Variants in DPP8 observed in about 807,000 individuals in gnomAD.
DPP8 encodes the protein dipeptidyl peptidase 8, also known as DPP VIII.
Under a neutral mutation model 107.5 loss-of-function variants are expected in DPP8, and 31 were observed. The ratio of observed to expected loss-of-function variants is 0.29; its 90% CI spans 0.22 to 0.39. DPP8 has a LOEUF of 0.39. DPP8 is among the 10% of genes least tolerant of loss of function. The probability of loss-of-function intolerance (pLI) is 1.00; values close to 1 mark genes in which losing one functional copy is unlikely to be tolerated. For synonymous variants in DPP8, 381 were observed against 356.6 expected, an observed-to-expected ratio of 1.07 and a Z score of -0.77; for missense variants, 842 against 1,076.1, an observed-to-expected ratio of 0.78 and a Z score of 3.04.
chr15:65,478,679 T>C lies in DPP8; in HGVS notation c.1456+201A>G, dbSNP rs78595169. Among the ~76,000 whole-genome samples the C allele has an allele frequency of 1.3e-3, 194 of 152,366 alleles. 1 individual carries two copies. The highest frequency in any genetic ancestry group is 4.4e-3 in the African/African-American group (185 of 41,592). ...AAGAGATTATTCACTATTAATACTTTATAATACGTGTCAATCCATTAAGAA... is the reference window on the plus strand; with the variant it reads ...AAGAGATTATTCACTATTAATACTTCATAATACGTGTCAATCCATTAAGAA... On this transcript the variant is annotated intron_variant, in intron 11 of 19. Coordinates refer to ENST00000300141, the MANE Select transcript of DPP8 (RefSeq NM_130434.5).
intron 19 of DPP8, among the ~76,000 whole-genome samples, chr15:65,448,686 A>ATAT (rs1473140344): frequency 1.5e-5 from 2 of 136,508 alleles, no homozygotes; most frequent in Non-Finnish European, 3.1e-5. Context: ...AAAAAAAAAA[A>ATAT]AAAAATATAT....
At chr15:65,448,469 G>A (rs962473618) in intron 19 of DPP8, among the ~76,000 whole-genome samples, 2 of 151,074 alleles carry the variant, frequency 1.3e-5, no homozygotes, top group East Asian at 2.0e-4. Flanking sequence ...TCAGAAGATC[G>A]AGACCATCCT....
intron 2 of DPP8, among the ~76,000 whole-genome samples, chr15:65,507,656 T>TAAAA (rs746039694): frequency 1.9e-5 from 2 of 105,202 alleles, no homozygotes; most frequent in African/African-American, 3.6e-5. Context: ...GATCCCAACT[T>TAAAA]AAAAAAAAAA....
rs142781972 is a variant in DPP8 at position 65,511,118 on chromosome 15, TAC to T, written c.259+1175_259+1176del. 3.1e-3 allele frequency among the ~76,000 whole-genome samples: 466 copies of T among 152,332 alleles called. 1 individual carries two copies. The highest frequency in any genetic ancestry group is 0.011 in the African/African-American group (449 of 41,568). Reference sequence around the variant, plus strand: ...TACTTCCACTCTTAGGAATTAGTTCTACAGATATATTCATACATGTGCAAAAT... The same window carrying T: ...TACTTCCACTCTTAGGAATTAGTTCTAGATATATTCATACATGTGCAAAAT... On this transcript the variant is annotated intron_variant, in intron 2 of 19. Coordinates refer to ENST00000300141, the MANE Select transcript of DPP8 (RefSeq NM_130434.5).
chr15:65,462,578 C>A (rs1255335660), intron 15 of DPP8, among the ~76,000 whole-genome samples: 2 of 151,818 alleles, frequency 1.3e-5, no homozygotes, highest in African/African-American at 4.8e-5. Flanking sequence ...ACCAATACAC[C>A]CATCCAAAAT....
At chr15:65,451,929 TAA>T (rs377663509) in intron 18 of DPP8, 29 bp downstream of exon 18, 57,548 of 1,367,412 alleles carry the variant, frequency 0.042, no homozygotes, top group Admixed American at 0.075. Flanking sequence ...TGTCTCAATT[TAA>T]AAAAAAAAAA....
At chr15:65,465,512 C>A (rs897511927) in intron 14 of DPP8, among the ~76,000 whole-genome samples, 12 of 149,506 alleles carry the variant, frequency 8.0e-5, no homozygotes, top group Non-Finnish European at 1.5e-4. Flanking sequence ...AGTGAAAATA[C>A]TAGAAAAAAA....
intron 16 of DPP8, chr15:65,455,634 A>C (rs1432034186): frequency 4.1e-5 from 48 of 1,178,972 alleles, no homozygotes; most frequent in Non-Finnish European, 4.6e-5. Flanking sequence ...AAAAACAAAA[A>C]TAAAAACAAA....
chr15:65,490,143 A>G lies in DPP8; in HGVS notation c.826+46T>C, dbSNP rs765298658. The G allele has an allele frequency of 4.1e-6, 4 of 978,002 alleles. No homozygotes were observed. In the African/African-American group the frequency reaches 4.8e-5, roughly 12 times the overall value. 60.6% of individuals were successfully genotyped at this position (978,002 alleles called of 1,614,324 possible). A position where few individuals can be genotyped will look rare whatever the true frequency, so the allele number is the denominator to read the frequency against. ...GCACTTAAATGACAGTTGAATCTTA[A>G]CAATACTTTAATTGACCCATAATAT... On this transcript the variant is annotated intron_variant, in intron 6 of 19. Transcript: ENST00000300141.
chr15:65,443,260 C>T lies in DPP8; in HGVS notation c.*3624G>A, dbSNP rs2063361834. 1 of 152,148 alleles carries T rather than the reference C, an allele frequency of 6.6e-6. No individual in the cohort carries two copies. The highest frequency in any genetic ancestry group is 1.5e-5 in the Non-Finnish European group (1 of 68,024). 9.4% of individuals were successfully genotyped at this position (152,148 alleles called of 1,614,324 possible). A position where few individuals can be genotyped will look rare whatever the true frequency, so the allele number is the denominator to read the frequency against. On this transcript the variant is annotated 3_prime_UTR_variant, in exon 20 of 20. Transcript: ENST00000300141. ...CAGGACACCTGGCTGGAGTCCAGCA[C>T]CAACTGGATACTAACTGGCTGTGTG...
At chr15:65,468,112 T>A (rs1438277475) in intron 12 of DPP8, among the ~76,000 whole-genome samples, 2 of 152,190 alleles carry the variant, frequency 1.3e-5, no homozygotes, top group African/African-American at 4.8e-5. Context: ...TGAATTCACT[T>A]AATATTCTTC....
At chr15:65,457,983 G>A (rs1262230718) in intron 15 of DPP8, among the ~76,000 whole-genome samples, 2 of 152,166 alleles carry the variant, frequency 1.3e-5, no homozygotes, top group African/African-American at 4.8e-5. Flanking sequence ...TAAAGGGAGA[G>A]TGCTGAAAGA....
chr15:65,460,018 T>C (rs1473314802), intron 15 of DPP8, among the ~76,000 whole-genome samples: 1 of 152,066 alleles, frequency 6.6e-6, no homozygotes, highest in Non-Finnish European at 1.5e-5. Context: ...AAAATATATA[T>C]AAAATTTACC....
chr15:65,451,702 A>G (rs944610881), intron 18 of DPP8, among the ~76,000 whole-genome samples: 4 of 152,090 alleles, frequency 2.6e-5, no homozygotes, highest in African/African-American at 9.7e-5. Context: ...AGGTGGGCAG[A>G]TAACTTGAGT....
rs181154556 is a variant in DPP8 at position 65,492,175 on chromosome 15, C to G, written c.716-1876G>C. Among the ~76,000 whole-genome samples, 14 of 152,160 alleles carry G rather than the reference C, an allele frequency of 9.2e-5. No homozygotes were observed. In the East Asian group the frequency reaches 2.7e-3, roughly 30 times the overall value. Reference sequence around the variant, plus strand: ...TTGGCAACATAGTGAAACCCCGCCTCTACAAAAAATACAAAATTTAGCCAG... The same window carrying G: ...TTGGCAACATAGTGAAACCCCGCCTGTACAAAAAATACAAAATTTAGCCAG... On this transcript the variant is annotated intron_variant, in intron 5 of 19. Transcript: ENST00000300141.
intron 3 of DPP8, among the ~76,000 whole-genome samples, chr15:65,504,209 CA>C (rs1567279225): frequency 6.6e-6 from 1 of 151,468 alleles, no homozygotes; most frequent in Non-Finnish European, 1.5e-5. Flanking sequence ...ATAAAAAATA[CA>C]AAATCATCCG....
Position 65,485,149 on chromosome 15 carries a change from G to C in DPP8, c.967C>G (p.Pro323Ala). 6.8e-6 allele frequency: 11 copies of C among 1,605,860 alleles called. No homozygotes were observed. Among genetic ancestry groups the C allele is most frequent in the Non-Finnish European group, 9.4e-6 (11 of 1,172,632 alleles). ...TCTGACATCTTAAAAGTGACTTTAG[G>C]ATTTGCTGTACCTTTAGAAAGAGAC... ...FRYPKTGTAN[P>A]KVTFKMSEIM... The change falls in exon 8 of 20, where the codon CCT (proline) becomes GCT (alanine). Residue 323 changes from proline (P) to alanine (A), a missense_variant. Pro to Ala is a conservative substitution (Grantham distance 27). Coordinates refer to ENST00000300141, the MANE Select transcript of DPP8 (RefSeq NM_130434.5).
intron 12 of DPP8, among the ~76,000 whole-genome samples, chr15:65,470,710 C>G (rs1043505820): frequency 6.6e-6 from 1 of 151,276 alleles, no homozygotes; most frequent in Non-Finnish European, 1.5e-5. Context: ...CCTGAGGTCA[C>G]GGGTTCAAGA....
intron 7 of DPP8, among the ~76,000 whole-genome samples, chr15:65,485,544 C>CAA (rs56940292): frequency 1.2e-3 from 74 of 61,164 alleles, no homozygotes; most frequent in African/African-American, 1.8e-3. Flanking sequence ...GACTCCATCT[C>CAA]AAAAAAAAAA....
Sources: allele counts gnomAD v4.1 joint callset (sites outside exome capture counted in the v4.1 genomes callset), GRCh38; gene constraint gnomAD v4.1.1; transcripts MANE v1.5; gene names NCBI Gene and HGNC (gene_info 2026-07-23, HGNC 2026-07-21).